PHF24: variants seen among roughly 807,000 people sequenced by gnomAD.
The protein encoded by PHF24 is Galpha inhibitory interacting protein.
Under a neutral mutation model 42.6 loss-of-function variants are expected in PHF24, and 25 were observed. That is an observed-to-expected ratio of 0.59 (90% CI 0.43 to 0.82). The LOEUF (loss-of-function observed/expected upper bound fraction) is 0.82. Among genes scored for constraint, PHF24 ranks in the 40% least tolerant of loss-of-function variants. The pLI, the probability that PHF24 is intolerant of heterozygous loss-of-function variation, is 0.00. For synonymous variants in PHF24, 185 were observed against 204.8 expected, an observed-to-expected ratio of 0.90 and a Z score of 0.83; for missense variants, 470 against 538.1, an observed-to-expected ratio of 0.87 and a Z score of 1.25.
chr9:34,761,328 A>T, the PHF24 span, among the ~76,000 whole-genome samples: 2 of 151,684 alleles, frequency 1.3e-5, no homozygotes, highest in African/African-American at 4.8e-5. Context: ...TTTTTAATAG[A>T]TGGGGTATGA....
chr9:34,903,357 A>G, the PHF24 span, among the ~76,000 whole-genome samples: 1 of 152,152 alleles, frequency 6.6e-6, no homozygotes, highest in African/African-American at 2.4e-5. Context: ...ACTTGAGGCT[A>G]GGAGTTCAAA....
chr9:34,934,482 G>C, the PHF24 span, among the ~76,000 whole-genome samples: 3 of 152,002 alleles, frequency 2.0e-5, no homozygotes, highest in African/African-American at 7.2e-5. Flanking sequence ...GCTGAGAGCT[G>C]TCCCTCATTC....
At chr9:34,792,237 C>T in the PHF24 span, among the ~76,000 whole-genome samples, 3 of 152,224 alleles carry the variant, frequency 2.0e-5, no homozygotes, top group Admixed American at 6.5e-5. Context: ...CAAACAGAAC[C>T]AAGAAGGTAA....
intron 3 of PHF24, among the ~76,000 whole-genome samples, chr9:34,974,002 C>A (rs762934666): frequency 6.6e-6 from 1 of 152,068 alleles, no homozygotes; most frequent in Non-Finnish European, 1.5e-5. Context: ...AACAAATCTT[C>A]TTCTTCTTTT....
chr9:34,891,687 G>A, the PHF24 span, among the ~76,000 whole-genome samples: 1 of 152,194 alleles, frequency 6.6e-6, no homozygotes, highest in African/African-American at 2.4e-5. Flanking sequence ...CATGGTCTAG[G>A]AGAATGCTTC....
chr9:34,847,340 G>A, the PHF24 span, among the ~76,000 whole-genome samples: 1 of 152,126 alleles, frequency 6.6e-6, no homozygotes, highest in East Asian at 1.9e-4. Flanking sequence ...GGATTCCTAG[G>A]TATTTTATTC....
At chr9:34,915,863 A>G in the PHF24 span, among the ~76,000 whole-genome samples, 65 of 151,844 alleles carry the variant, frequency 4.3e-4, 1 homozygote, top group African/African-American at 1.5e-3. Flanking sequence ...TAATCCCTAC[A>G]TGTCAAGGGT....
chr9:34,809,451 G>C, the PHF24 span, among the ~76,000 whole-genome samples: 1 of 152,204 alleles, frequency 6.6e-6, no homozygotes, highest in Non-Finnish European at 1.5e-5. The surrounding 1 kb of genome is among the most constrained non-coding windows in gnomAD (Gnocchi z 4.1). Flanking sequence ...TGAGGGATGA[G>C]GTTGCTGCAG....
chr9:34,909,900 T>C, the PHF24 span, among the ~76,000 whole-genome samples: 1 of 152,228 alleles, frequency 6.6e-6, no homozygotes, highest in Admixed American at 6.5e-5. Flanking sequence ...GTGCTGGGAT[T>C]ACAGGCGTGA....
the PHF24 span, among the ~76,000 whole-genome samples, chr9:34,902,350 A>G: frequency 1.3e-5 from 2 of 152,190 alleles, no homozygotes; most frequent in Admixed American, 1.3e-4. Context: ...AGAAACTCCC[A>G]TAAAAATGAA....
chr9:34,750,491 AAAATAAATAAATAAATAAAT>A, the PHF24 span, among the ~76,000 whole-genome samples: 1,498 of 142,214 alleles, frequency 0.011, 18 homozygotes, highest in Middle Eastern at 0.025. Context: ...CTCTATCTCA[AAAATAAATAAATAAATAAAT>A]AAATAAATAA....
At chr9:34,945,167 C>T in the PHF24 span, among the ~76,000 whole-genome samples, 1 of 152,090 alleles carries the variant, frequency 6.6e-6, no homozygotes, top group Non-Finnish European at 1.5e-5. Flanking sequence ...GCACCTGTAC[C>T]ACCACTGCAT....
At chr9:34,733,403 GT>G in the PHF24 span, among the ~76,000 whole-genome samples, 1 of 151,710 alleles carries the variant, frequency 6.6e-6, no homozygotes, top group African/African-American at 2.4e-5. Flanking sequence ...CTTTTTCTCA[GT>G]TTGTCATTTG....
the PHF24 span, chr9:34,922,982 G>C: frequency 9.9e-4 from 1,014 of 1,023,106 alleles, 1 homozygote; most frequent in Non-Finnish European, 1.2e-3. Context: ...CAGTCTACCT[G>C]GGGGGTGCTG....
the PHF24 span, among the ~76,000 whole-genome samples, chr9:34,734,926 C>G: frequency 6.6e-6 from 1 of 152,156 alleles, no homozygotes; most frequent in Admixed American, 6.5e-5. Context: ...ACCATAAACA[C>G]AAAGTAATAT....
the PHF24 span, among the ~76,000 whole-genome samples, chr9:34,767,689 C>T: frequency 3.9e-5 from 6 of 152,244 alleles, no homozygotes; most frequent in African/African-American, 9.6e-5. Context: ...TGCTTCGGCT[C>T]GCGCATGGTG....
At chr9:34,761,722 T>C in the PHF24 span, among the ~76,000 whole-genome samples, 1 of 152,190 alleles carries the variant, frequency 6.6e-6, no homozygotes, top group African/African-American at 2.4e-5. Flanking sequence ...ATACGTTAAG[T>C]TTTAGGGTAC....
chr9:34,665,768 G>A, the PHF24 span: 62 of 671,136 alleles, frequency 9.2e-5, no homozygotes, highest in East Asian at 1.4e-3. Context: ...CAGTTCTCAG[G>A]TAATCTGAGG....
the PHF24 span, among the ~76,000 whole-genome samples, chr9:34,781,216 A>G: frequency 6.6e-6 from 1 of 152,252 alleles, no homozygotes; most frequent in Non-Finnish European, 1.5e-5. Context: ...CAGAAGATAG[A>G]AACACCCCAA....
Sources: allele counts gnomAD v4.1 joint callset (sites outside exome capture counted in the v4.1 genomes callset), GRCh38; gene constraint gnomAD v4.1.1; non-coding constraint Gnocchi (gnomAD v3.1); transcripts MANE v1.5; gene names NCBI Gene and HGNC (gene_info 2026-07-23, HGNC 2026-07-21).